Variants in RUSF1 observed in about 807,000 individuals in gnomAD.
The protein encoded by RUSF1 is RUS family member 1.
In RUSF1, 58 loss-of-function variants were observed where a neutral mutation model predicts 63.0. The observed-to-expected ratio is 0.92, with a 90% CI of 0.75 to 1.15. RUSF1 has a LOEUF of 1.15. Ranked by LOEUF, RUSF1 falls within the 50% of genes most tolerant of loss-of-function variation. The probability of loss-of-function intolerance (pLI) is 0.00; values close to 1 mark genes in which losing one functional copy is unlikely to be tolerated. For missense variants in RUSF1, 652 were observed against 611.0 expected, an observed-to-expected ratio of 1.07 and a Z score of -0.71; for synonymous variants, 274 against 255.8, an observed-to-expected ratio of 1.07 and a Z score of -0.68.
In RUSF1 at chr16:31,493,582, C is replaced by T. The variant is rs530005349; in HGVS notation, c.958+21G>A. 3.5e-5 allele frequency: 56 copies of T among 1,614,152 alleles called. No homozygotes were observed. The South Asian group carries it at 3.8e-4, about 11-fold the overall frequency. ...GTGGGAGAGGTTGAGACACAGGACC[C>T]GAGACCAGGGGCAGGGTCACCTGTC... On this transcript the variant is annotated intron_variant, in intron 8 of 12. Coordinates refer to ENST00000327237, the MANE Select transcript of RUSF1 (RefSeq NM_022744.4).
intron 2 of RUSF1, among the ~76,000 whole-genome samples, chr16:31,506,980 C>A (rs2082662598): frequency 6.6e-6 from 1 of 152,190 alleles, no homozygotes; most frequent in African/African-American, 2.4e-5. Flanking sequence ...TGTGGCCAGA[C>A]TGATGCTACG....
At position 31,489,684 on chromosome 16, in the gene RUSF1, G is replaced by C. The variant is rs1596622156; in HGVS notation, c.*1151C>G. 2.1e-6 allele frequency: 1 copy of C among 473,726 alleles called. No homozygotes were observed. Among genetic ancestry groups the C allele is most frequent in the East Asian group, 4.2e-5 (1 of 23,534 alleles). The allele number at this position is 473,726 out of a possible 1,614,324, so 29.3% of individuals were successfully genotyped here. On this transcript the variant is annotated 3_prime_UTR_variant, in exon 13 of 13. Transcript: ENST00000327237. Reference sequence around the variant, plus strand: ...TGTTGCCAAAGGGCAGGTGGCTCCAGGCAGGGCTGATGGTGGCAGGGTGGG... The same window carrying C: ...TGTTGCCAAAGGGCAGGTGGCTCCACGCAGGGCTGATGGTGGCAGGGTGGG...
chr16:31,490,189 C>T lies in RUSF1; in HGVS notation c.*646G>A. ...GATGAGCAGCAAGGCTCCTCACTCC[C>T]TGTACAGAATGGGTGCCCAGAGAGT... On this transcript the variant is annotated 3_prime_UTR_variant, in exon 13 of 13. Coordinates refer to ENST00000327237, the MANE Select transcript of RUSF1 (RefSeq NM_022744.4). The T allele has an allele frequency of 1.2e-6, 2 of 1,614,200 alleles. No homozygotes were observed. Among genetic ancestry groups the T allele is most frequent in the South Asian group, 1.1e-5 (1 of 91,074 alleles).
chr16:31,497,640 G>C (rs1189145274), intron 5 of RUSF1, among the ~76,000 whole-genome samples: 2 of 152,174 alleles, frequency 1.3e-5, no homozygotes, highest in Non-Finnish European at 2.9e-5. Flanking sequence ...CCTGGCTGAG[G>C]GCTCTTTTAG....
rs1304416404 is a variant in RUSF1 at position 31,496,898 on chromosome 16, T to C, written c.653A>G (p.Gln218Arg). Residue 218 changes from glutamine to arginine, a missense_variant, in exon 6 of 13, where the codon CAG becomes CGG. By Grantham distance (43) the Gln-to-Arg change is conservative (BLOSUM62 1). Transcript: ENST00000327237. The stretch of plus-strand genomic sequence containing the variant: ...GTCAGCCATGTTGTTCCTCCGAGCC[T>C]GGTGCACGGTCAGGGCAGCCCGAGT... ...GATRAALTVHQARRNNMADVS... is the reference protein window; with the variant it reads ...GATRAALTVHRARRNNMADVS... 1 of 1,610,084 alleles carries C rather than the reference T, an allele frequency of 6.2e-7. No homozygotes were observed.
intron 2 of RUSF1, among the ~76,000 whole-genome samples, chr16:31,505,104 C>G (rs903489137): frequency 1.3e-5 from 2 of 152,120 alleles, no homozygotes; most frequent in Non-Finnish European, 1.5e-5. Flanking sequence ...TTCCCCAGCC[C>G]GACACCTGTA....
intron 2 of RUSF1, among the ~76,000 whole-genome samples, chr16:31,503,872 G>A (rs964027109): frequency 6.6e-6 from 1 of 152,318 alleles, no homozygotes; most frequent in South Asian, 2.1e-4. Context: ...ATGTTGGTCA[G>A]GCTGGTCTCG....
chr16:31,499,125 G>A (rs2082619001), intron 5 of RUSF1, 177 bp downstream of exon 5: 2 of 643,982 alleles, frequency 3.1e-6, no homozygotes, highest in South Asian at 1.9e-5. Flanking sequence ...TACACTTTCT[G>A]GGGCACTAGA....
rs755177690 is a variant in RUSF1, at chr16:31,491,995, C to T, written c.1309+14G>A. ...GCTTCAGGGGCCAAGCAGCCATGGG[C>T]TGAGGGATGTTACCTTTCAAGAACT... On this transcript the variant is annotated intron_variant, in intron 12 of 12. Transcript: ENST00000327237. 1.1e-5 allele frequency: 17 copies of T among 1,613,924 alleles called. No homozygotes were observed. Among genetic ancestry groups the T allele is most frequent in the Non-Finnish European group, 1.4e-5 (16 of 1,179,844 alleles).
intron 6 of RUSF1, among the ~76,000 whole-genome samples, chr16:31,496,331 G>A (rs1158077649): frequency 6.6e-6 from 1 of 152,188 alleles, no homozygotes; most frequent in Non-Finnish European, 1.5e-5. Context: ...AAAGTGCTAG[G>A]ATGACAGGCG....
rs920824219 is a variant in RUSF1, at chr16:31,489,807, G to A, written c.*1028C>T. 2.1e-6 allele frequency: 1 copy of A among 467,128 alleles called. No homozygotes were observed. The highest frequency in any genetic ancestry group is 3.3e-5 in the Admixed American group (1 of 29,908). 28.9% of individuals were successfully genotyped at this position (467,128 alleles called of 1,614,324 possible). A position where few individuals can be genotyped will look rare whatever the true frequency, so the allele number is the denominator to read the frequency against. On this transcript the variant is annotated 3_prime_UTR_variant, in exon 13 of 13. Transcript: ENST00000327237. ...AGCACACAGGCACAGAACACTGTGAGCAGGACTGCCAGGCCAGTGTCACAA... is the reference window on the plus strand; with the variant it reads ...AGCACACAGGCACAGAACACTGTGAACAGGACTGCCAGGCCAGTGTCACAA...
intron 2 of RUSF1, among the ~76,000 whole-genome samples, chr16:31,504,569 C>T (rs946101555): frequency 1.3e-5 from 2 of 152,156 alleles, no homozygotes; most frequent in Non-Finnish European, 2.9e-5. Context: ...CCACCATGCC[C>T]GGCCAAGGTT....
chr16:31,490,618 A>C lies in RUSF1; in HGVS notation c.*217T>G, dbSNP rs1000598313. The C allele has an allele frequency of 3.9e-6, 5 of 1,266,770 alleles. No individual in the cohort carries two copies. Among genetic ancestry groups the C allele is most frequent in the East Asian group, 4.9e-5 (2 of 40,582 alleles). The allele number at this position is 1,266,770 out of a possible 1,614,324, so 78.5% of individuals were successfully genotyped here. ...CTGCGGTGCTCCCCAGAAAAGGGGA[A>C]GGGGCAGTGGGGTGAGAAGGTCCTG... is the stretch of plus-strand genomic sequence containing the variant. On this transcript the variant is annotated 3_prime_UTR_variant, in exon 13 of 13. Transcript: ENST00000327237.
At chr16:31,498,536 C>A (rs546655110) in intron 5 of RUSF1, among the ~76,000 whole-genome samples, 2 of 152,310 alleles carry the variant, frequency 1.3e-5, no homozygotes, top group African/African-American at 4.8e-5. Flanking sequence ...AGTTTCTCCT[C>A]TGGGCCAGGG....
Position 31,490,890 on chromosome 16 carries a change from T to A in RUSF1, c.1352A>T (p.Glu451Val), listed in dbSNP as rs779134184. ...AGWKTEKHQL[E>V]VDEWRATWLL... ...CCATGTGGCCCTCCACTCATCCACC[T>A]CTAGCTGGTGCTTCTCGGTCTTCCA... Residue 451 changes from glutamate to valine, a missense_variant, in exon 13 of 13, where the codon GAG becomes GTG. Physicochemically the swap from Glu to Val is moderately radical, Grantham distance 121 (BLOSUM62 -2). Coordinates refer to ENST00000327237, the MANE Select transcript of RUSF1 (RefSeq NM_022744.4). 8 of 1,614,130 alleles carry A rather than the reference T, an allele frequency of 5.0e-6. No homozygotes were observed. The highest frequency in any genetic ancestry group is 1.7e-5 in the Admixed American group (1 of 60,014).
chr16:31,508,128 G>A lies in RUSF1; in HGVS notation c.246C>T (p.Phe82=). 6 of 1,601,712 alleles carry A rather than the reference G, an allele frequency of 3.7e-6. No individual in the cohort carries two copies. The highest frequency in any genetic ancestry group is 5.1e-6 in the Non-Finnish European group (6 of 1,174,736). ...AGTAGTCCGGGCTGACGCTATCAGG[G>A]AAGCCCTGAGGCAGGAACACGGCCT... ...GLQAVFLPQG[F]PDSVSPDYLP... is the part of the protein sequence containing the mutation. The change falls in exon 1 of 13, where the codon TTC becomes TTT. Residue 82 remains phenylalanine (F), a synonymous_variant. Transcript: ENST00000327237.
At chr16:31,507,679 C>T in intron 2 of RUSF1, 85 bp downstream of exon 2, 17 of 1,254,426 alleles carry the variant, frequency 1.4e-5, no homozygotes, top group Non-Finnish European at 1.9e-5. Flanking sequence ...TAATGGGGCA[C>T]GAGTCCATAC....
intron 2 of RUSF1, among the ~76,000 whole-genome samples, chr16:31,502,557 C>T (rs1443379167): frequency 2.6e-5 from 4 of 152,158 alleles, no homozygotes; most frequent in Non-Finnish European, 4.4e-5. Context: ...AAGATATGGC[C>T]ACACTGGGGC....
intron 2 of RUSF1, among the ~76,000 whole-genome samples, chr16:31,506,501 G>C (rs906277716): frequency 6.6e-6 from 1 of 152,208 alleles, no homozygotes. Context: ...CGGCCAACAA[G>C]CCGGGCGCAG....
Sources: gnomAD v4.1 joint callset for allele counts (sites outside exome capture counted in the v4.1 genomes callset) on GRCh38, gnomAD v4.1.1 for gene constraint, MANE v1.5 for transcripts, NCBI Gene and HGNC (gene_info 2026-07-23, HGNC 2026-07-21) for gene names.